EGFL6: variants seen among roughly 807,000 people sequenced by gnomAD.
EGFL6 encodes the protein epidermal growth factor-like protein 6.
A neutral mutation model predicts 43.1 loss-of-function variants in EGFL6; 42 were observed. The observed-to-expected ratio is 0.98, with a 90% CI of 0.76 to 1.26. The LOEUF is 1.26. Ranked by LOEUF, EGFL6 falls within the 50% of genes most tolerant of loss-of-function variation. The pLI is 0.00. For synonymous variants in EGFL6, 164 were observed against 163.2 expected (o/e 1.01, Z -0.04); for missense variants, 429 against 427.8 (o/e 1.00, Z -0.02).
intron 7 of EGFL6, among the ~76,000 whole-genome samples, chrX:13,612,703 AGCCGG>A (rs2045698074): frequency 9.0e-6 from 1 of 111,040 alleles, no homozygotes; most frequent in Non-Finnish European, 1.9e-5. Flanking sequence ...CGGGGTGGCT[AGCCGG>A]GCCAAAATCC....
intron 1 of EGFL6, among the ~76,000 whole-genome samples, chrX:13,580,894 C>T (rs190914479): frequency 8.9e-5 from 10 of 112,041 alleles, no homozygotes; most frequent in African/African-American, 2.9e-4. Flanking sequence ...TATCATTCTC[C>T]CCCATGCTTA....
intron 6 of EGFL6, 48 bp downstream of exon 6, chrX:13,606,561 C>T (rs2045662121): frequency 8.6e-7 from 1 of 1,166,670 alleles, no homozygotes. Flanking sequence ...CCCACCAAAC[C>T]TTTGAGCCTT....
intron 2 of EGFL6, among the ~76,000 whole-genome samples, chrX:13,589,966 A>G (rs1013907989): frequency 8.9e-6 from 1 of 112,658 alleles, no homozygotes; most frequent in African/African-American, 3.2e-5. Context: ...AGGAACTAAG[A>G]TGGGCAAAAG....
rs541147001 is a variant in EGFL6 at position 13,577,917 on chromosome X, A to G, written c.74+7982A>G. 1.8e-4 allele frequency among the ~76,000 whole-genome samples: 20 copies of G among 112,243 alleles called. No individual in the cohort carries two copies. In the South Asian group the frequency reaches 7.1e-3, roughly 40 times the overall value. On this transcript the variant is annotated intron_variant, in intron 1 of 11. Transcript: ENST00000361306. ...CTCTGTGTTCTTTAAAGTTAACACG[A>G]TCGTGACTAATTCATGCACAGAATT...
At chrX:13,606,601 C>A in intron 6 of EGFL6, 88 bp downstream of exon 6, 1 of 1,023,839 alleles carries the variant, frequency 9.8e-7, no homozygotes, top group South Asian at 2.2e-5. Flanking sequence ...TCAATTCAAG[C>A]TATTAGTTGA....
At chrX:13,606,271 C>A in intron 5 of EGFL6, 108 bp from the exon 6 acceptor site, 1 of 861,542 alleles carries the variant, frequency 1.2e-6, no homozygotes, top group Non-Finnish European at 1.7e-6. Flanking sequence ...CACCAGTATA[C>A]TATTATCAGT....
chrX:13,619,852 T>C (rs919316111), intron 9 of EGFL6, among the ~76,000 whole-genome samples: 3 of 110,998 alleles, frequency 2.7e-5, no homozygotes, highest in Non-Finnish European at 5.7e-5. Context: ...GTTGGGAGGA[T>C]TGGACTCACT....
At chrX:13,623,350 T>TA (rs1207204854) in intron 9 of EGFL6, among the ~76,000 whole-genome samples, 3 of 103,267 alleles carry the variant, frequency 2.9e-5, no homozygotes, top group South Asian at 4.4e-4. Flanking sequence ...TTTTTTTTTT[T>TA]AAAAAAGGGT....
chrX:13,571,996 T>G (rs767356402), intron 1 of EGFL6, among the ~76,000 whole-genome samples: 40 of 112,624 alleles, frequency 3.6e-4, no homozygotes, highest in Non-Finnish European at 7.1e-4. Flanking sequence ...ATTGAAACAC[T>G]GCACTATGAT....
In EGFL6 at chrX:13,617,019, G is replaced by A. The variant is rs751132938; in HGVS notation, c.779-711G>A. Reference sequence around the variant, plus strand: ...CGAGTAGCTGGGACTACAGGCGCCCGCCACCGCGCCCGGCTAATTTTTTGT... The same window carrying A: ...CGAGTAGCTGGGACTACAGGCGCCCACCACCGCGCCCGGCTAATTTTTTGT... On this transcript the variant is annotated intron_variant, in intron 7 of 11. Transcript: ENST00000361306. 5.5e-5 allele frequency among the ~76,000 whole-genome samples: 6 copies of A among 108,423 alleles called. No individual in the cohort carries two copies. The East Asian group carries it at 1.5e-3, about 26-fold the overall frequency. The allele number at this position is 108,423 out of a possible 115,157, so 94.2% of individuals were successfully genotyped here.
intron 9 of EGFL6, 131 bp from the exon 10 acceptor site, chrX:13,623,693 C>T: frequency 4.3e-6 from 2 of 468,859 alleles, no homozygotes; most frequent in Non-Finnish European, 7.1e-6. Context: ...ACAGACATAA[C>T]TCAAAACAGG....
chrX:13,581,366 GA>G (rs1407288861), intron 1 of EGFL6, among the ~76,000 whole-genome samples: 1 of 111,654 alleles, frequency 9.0e-6, no homozygotes, highest in East Asian at 2.8e-4. Context: ...TCTGTTTCTT[GA>G]TGGTAGATGG....
chrX:13,592,355 G>C (rs1455089197), intron 2 of EGFL6, among the ~76,000 whole-genome samples: 1 of 112,081 alleles, frequency 8.9e-6, no homozygotes, highest in African/African-American at 3.2e-5. Context: ...TGCTGGGGAA[G>C]CATTTTTCCC....
chrX:13,607,874 C>G (rs1490862847), intron 6 of EGFL6, among the ~76,000 whole-genome samples: 1 of 112,334 alleles, frequency 8.9e-6, no homozygotes. Flanking sequence ...GCCAGCCTGA[C>G]CCTTTCTCCT....
chrX:13,629,137 G>A (rs749713284), intron 11 of EGFL6, among the ~76,000 whole-genome samples: 24 of 112,706 alleles, frequency 2.1e-4, no homozygotes, highest in Non-Finnish European at 4.1e-4. Context: ...GCCAGTGCTT[G>A]TTTAGGAATG....
intron 1 of EGFL6, among the ~76,000 whole-genome samples, chrX:13,586,973 C>T (rs865915756): frequency 8.9e-5 from 10 of 112,234 alleles, no homozygotes; most frequent in East Asian, 2.8e-4. Flanking sequence ...AAGCCAGATA[C>T]GGAAGGCTAC....
intron 2 of EGFL6, among the ~76,000 whole-genome samples, chrX:13,591,840 C>T (rs944849770): frequency 2.1e-4 from 23 of 111,175 alleles, no homozygotes; most frequent in Admixed American, 9.6e-4. Flanking sequence ...CTCATCAGTT[C>T]GATATCATTA....
chrX:13,630,203 G>C (rs1285888547), intron 11 of EGFL6, among the ~76,000 whole-genome samples: 1 of 111,428 alleles, frequency 9.0e-6, no homozygotes, highest in Non-Finnish European at 1.9e-5. Flanking sequence ...GTCAGGAAAG[G>C]GACCATCTTC....
chrX:13,632,213 C>CT (rs1440875260), intron 11 of EGFL6, among the ~76,000 whole-genome samples: 1 of 101,625 alleles, frequency 9.8e-6, no homozygotes, highest in Non-Finnish European at 2.0e-5. Flanking sequence ...GAGACTCCGT[C>CT]TCAAAAAAAA....
Sources: gnomAD v4.1 joint callset for allele counts (sites outside exome capture counted in the v4.1 genomes callset) on GRCh38, gnomAD v4.1.1 for gene constraint, MANE v1.5 for transcripts, NCBI Gene and HGNC (gene_info 2026-07-23, HGNC 2026-07-21) for gene names.